TBC1D10A: variants seen among roughly 807,000 people sequenced by gnomAD.
TBC1D10A encodes TBC1 domain family member 10A, also known as EBP50-PDX interactor of 64 kDa.
In TBC1D10A, 24 loss-of-function variants were observed where a neutral mutation model predicts 52.9. The observed-to-expected ratio is 0.45, with a 90% CI of 0.33 to 0.64. The LOEUF (loss-of-function observed/expected upper bound fraction) is 0.64. TBC1D10A is among the 30% of genes least tolerant of loss of function. The pLI, the probability that TBC1D10A is intolerant of heterozygous loss-of-function variation, is 0.02. For missense variants in TBC1D10A, 602 were observed against 687.9 expected, an observed-to-expected ratio of 0.88 and a Z score of 1.40; for synonymous variants, 278 against 282.9, an observed-to-expected ratio of 0.98 and a Z score of 0.17.
chr22:30,299,302 G>A (rs1930150698), intron 3 of TBC1D10A, 142 bp downstream of exon 3: 2 of 801,914 alleles, frequency 2.5e-6, no homozygotes, highest in Admixed American at 4.5e-5. Context: ...GCCTGCTGGG[G>A]CCTGGGCAGT....
intron 1 of TBC1D10A, among the ~76,000 whole-genome samples, chr22:30,322,299 C>G (rs1369757222): frequency 6.6e-6 from 1 of 152,016 alleles, no homozygotes; most frequent in Non-Finnish European, 1.5e-5. Flanking sequence ...GCTTCAATGC[C>G]CCACTCGGTC....
chr22:30,325,763 G>C (rs1930755665), intron 1 of TBC1D10A, among the ~76,000 whole-genome samples: 1 of 152,098 alleles, frequency 6.6e-6, no homozygotes, highest in African/African-American at 2.4e-5. Context: ...AGGACATCGG[G>C]GGGTGCTAAT....
Position 30,325,021 on chromosome 22 carries a change from C to G in TBC1D10A, c.209+1652G>C, listed in dbSNP as rs551601992. Among the ~76,000 whole-genome samples the G allele has an allele frequency of 1.1e-4, 17 of 152,350 alleles. No homozygotes were observed. In the East Asian group the frequency reaches 3.3e-3, roughly 29 times the overall value. On this transcript the variant is annotated intron_variant, in intron 1 of 8. Transcript: ENST00000215790. ...GCAACTGGGAACTCCTTTCCTAGATCTCAAGACCACACACCTCCCTGGGTC... is the reference window on the plus strand; with the variant it reads ...GCAACTGGGAACTCCTTTCCTAGATGTCAAGACCACACACCTCCCTGGGTC...
In TBC1D10A at chr22:30,297,334, G is replaced by C. The variant is rs1050696523; in HGVS notation, c.418-1491C>G. On this transcript the variant is annotated intron_variant, in intron 3 of 8. Coordinates refer to ENST00000215790, the MANE Select transcript of TBC1D10A (RefSeq NM_031937.3). This position sits in a 1 kb window ranked among gnomAD's most constrained non-coding sequence, Gnocchi z 4.3. Reference sequence around the variant, plus strand: ...CACCTCTAAGTACTGTCTGAGCGCAGTGCAGGTTTGCTTTTGTCAGAATGG... The same window carrying C: ...CACCTCTAAGTACTGTCTGAGCGCACTGCAGGTTTGCTTTTGTCAGAATGG... 1 of 152,248 alleles carries C rather than the reference G, an allele frequency of 6.6e-6. No homozygotes were observed. Among genetic ancestry groups the C allele is most frequent in the South Asian group, 2.1e-4 (1 of 4,834 alleles). The allele number at this position is 152,248 out of a possible 1,614,324, so 9.4% of individuals were successfully genotyped here. A position where few individuals can be genotyped will look rare whatever the true frequency, so the allele number is the denominator to read the frequency against.
chr22:30,317,529 TTTGTTTACA>T (rs201059433), intron 1 of TBC1D10A, among the ~76,000 whole-genome samples: 4,163 of 152,322 alleles, frequency 0.027, 190 homozygotes, highest in African/African-American at 0.096. Flanking sequence ...TTCAGCAGTA[TTTGTTTACA>T]CTATGCTCCT....
chr22:30,303,641 C>A (rs1930252183), intron 2 of TBC1D10A, among the ~76,000 whole-genome samples: 2 of 152,244 alleles, frequency 1.3e-5, no homozygotes, highest in South Asian at 4.1e-4. Context: ...GGCCCGGCAG[C>A]CAGCTGTGCC....
At chr22:30,293,204 A>C in intron 8 of TBC1D10A, 2 of 628,252 alleles carry the variant, frequency 3.2e-6, no homozygotes, top group Non-Finnish European at 6.1e-6. Context: ...TTAGGCTCAA[A>C]TTCCAGCTCC....
intron 1 of TBC1D10A, among the ~76,000 whole-genome samples, chr22:30,319,015 C>A (rs1318420811): frequency 6.6e-6 from 1 of 151,784 alleles, no homozygotes; most frequent in Non-Finnish European, 1.5e-5. Context: ...TGCTTCGTAT[C>A]ATTCTACTGC....
At chr22:30,299,364 G>C (rs1398966117) in intron 3 of TBC1D10A, 80 bp downstream of exon 3, 1 of 1,380,876 alleles carries the variant, frequency 7.2e-7, no homozygotes, top group Non-Finnish European at 1.0e-6. Flanking sequence ...AGGTTCAGGT[G>C]AGCACATGGA....
At chr22:30,305,837 G>A (rs925538814) in intron 1 of TBC1D10A, among the ~76,000 whole-genome samples, 6 of 152,186 alleles carry the variant, frequency 3.9e-5, no homozygotes, top group Non-Finnish European at 7.3e-5. Flanking sequence ...GGAACTGAAC[G>A]TCTGAGGAAG....
At chr22:30,299,585 C>A in intron 2 of TBC1D10A, 34 bp from the exon 3 acceptor site, 2 of 1,605,946 alleles carry the variant, frequency 1.2e-6, no homozygotes, top group Non-Finnish European at 1.7e-6. Context: ...GCCCATGCAG[C>A]CACCCAGGCA....
chr22:30,292,893 G>C, intron 8 of TBC1D10A, 42 bp from the exon 9 acceptor site: 1 of 1,603,332 alleles, frequency 6.2e-7, no homozygotes, highest in Non-Finnish European at 8.5e-7. Context: ...CCAAGAAGAA[G>C]GACCTTCCCC....
At chr22:30,308,308 C>CTGCCTACA (rs1930355946) in intron 1 of TBC1D10A, among the ~76,000 whole-genome samples, 2 of 81,734 alleles carry the variant, frequency 2.4e-5, no homozygotes, top group African/African-American at 9.2e-5. Flanking sequence ...GCATGCCTGC[C>CTGCCTACA]TGCCTGCATG....
At chr22:30,319,075 A>G (rs543920250) in intron 1 of TBC1D10A, among the ~76,000 whole-genome samples, 1 of 152,106 alleles carries the variant, frequency 6.6e-6, no homozygotes, top group East Asian at 1.9e-4. Flanking sequence ...TCTTCTTGTC[A>G]TCTCTGCTCT....
Position 30,295,816 on chromosome 22 carries a change from T to G in TBC1D10A, c.445A>C (p.Lys149Gln). The G allele has an allele frequency of 6.2e-7, 1 of 1,613,874 alleles. No individual in the cohort carries two copies. The highest frequency in any genetic ancestry group is 8.5e-7 in the Non-Finnish European group (1 of 1,179,942). ...DELDMSPGDP[K>Q]WLDVIERDLH... ...TCACGCTCAATCACGTCCAGCCACT[T>G]GGGGTCCCCAGGGGACATGTCCAGC... Residue 149 changes from lysine to glutamine, a missense_variant, in exon 4 of 9, where the codon AAG becomes CAG. Physicochemically the swap from Lys to Gln is moderately conservative, Grantham distance 53. This residue lies in a region of TBC1D10A where 201 missense variants were observed against 204.4 expected (regional missense o/e 0.98). Transcript: ENST00000215790.
chr22:30,309,687 C>G (rs1325189540), intron 1 of TBC1D10A, among the ~76,000 whole-genome samples: 1 of 152,206 alleles, frequency 6.6e-6, no homozygotes, highest in Non-Finnish European at 1.5e-5. Flanking sequence ...ACTCTGCTGA[C>G]CCCATTCTCT....
intron 1 of TBC1D10A, among the ~76,000 whole-genome samples, chr22:30,314,810 CAAA>C (rs113564669): frequency 5.4e-5 from 4 of 73,812 alleles, no homozygotes; most frequent in Non-Finnish European, 1.2e-4. Flanking sequence ...GACCCTGACT[CAAA>C]AAAAAAAAAA....
intron 3 of TBC1D10A, chr22:30,298,600 ACTGT>A (rs1930134638): frequency 6.6e-6 from 1 of 152,242 alleles, no homozygotes. Context: ...GCTCTGTCTC[ACTGT>A]CTGCCTGTCA....
chr22:30,296,763 T>C (rs1366710459), intron 3 of TBC1D10A: 1 of 152,216 alleles, frequency 6.6e-6, no homozygotes, highest in Non-Finnish European at 1.5e-5. Context: ...TGCATGCACA[T>C]TCAAGATCTA....
Sources: allele counts gnomAD v4.1 joint callset (sites outside exome capture counted in the v4.1 genomes callset), GRCh38; gene constraint gnomAD v4.1.1; regional missense constraint gnomAD v4.1.1; non-coding constraint Gnocchi (gnomAD v3.1); transcripts MANE v1.5; gene names NCBI Gene and HGNC (gene_info 2026-07-23, HGNC 2026-07-21).